The following CDH18 variants were observed in gnomAD, a reference collection of about 807,000 sequenced individuals.
The protein encoded by CDH18 is cadherin-18.
CDH18 carries 31 observed loss-of-function variants against 67.9 expected under a neutral mutation model. That is an observed-to-expected ratio of 0.46 (90% CI 0.34 to 0.62). The LOEUF (loss-of-function observed/expected upper bound fraction) is 0.62, where lower values mean the gene tolerates loss of function less well. Ranked by LOEUF, CDH18 falls within the 20% of genes least tolerant of loss-of-function variation. The probability of loss-of-function intolerance (pLI) is 0.01; values close to 1 mark genes in which losing one functional copy is unlikely to be tolerated. For missense variants in CDH18, 890 were observed against 975.5 expected (o/e 0.91, Z 1.17); for synonymous variants, 362 against 347.2 (o/e 1.04, Z -0.48).
chr5:20,172,204 A>ATATATATATACATG (rs1736804053), intron 2 of CDH18, among the ~76,000 whole-genome samples: 2 of 60,314 alleles, frequency 3.3e-5, no homozygotes, highest in African/African-American at 8.1e-5. Flanking sequence ...ATATATATAT[A>ATATATATATACATG]TATATATATA....
chr5:20,102,517 C>G (rs1746562916), intron 2 of CDH18, among the ~76,000 whole-genome samples: 1 of 152,160 alleles, frequency 6.6e-6, no homozygotes. Flanking sequence ...GCCTGAGGAG[C>G]AGAGTGTCTG....
intron 1 of CDH18, among the ~76,000 whole-genome samples, chr5:20,408,103 G>C (rs991585860): frequency 3.3e-5 from 5 of 151,912 alleles, no homozygotes; most frequent in Non-Finnish European, 5.9e-5. Context: ...AAAGGGCCTG[G>C]GATAAATTAC....
At chr5:20,266,708 G>T (rs540021759) in intron 1 of CDH18, among the ~76,000 whole-genome samples, 1 of 150,836 alleles carries the variant, frequency 6.6e-6, no homozygotes, top group Admixed American at 6.6e-5. Context: ...GATTACAGGC[G>T]TGAGTCACTG....
At chr5:20,112,895 T>C (rs1426968763) in intron 2 of CDH18, among the ~76,000 whole-genome samples, 1 of 152,186 alleles carries the variant, frequency 6.6e-6, no homozygotes, top group Non-Finnish European at 1.5e-5. Flanking sequence ...CTGCAAAGAT[T>C]ATTTTTAGCA....
At chr5:20,199,056 T>G (rs916834265) in intron 2 of CDH18, among the ~76,000 whole-genome samples, 2 of 152,190 alleles carry the variant, frequency 1.3e-5, no homozygotes, top group Non-Finnish European at 1.5e-5. Context: ...GAAGAACCTT[T>G]GCTAGGGCAA....
chr5:20,126,050 C>A (rs77607143), intron 2 of CDH18, among the ~76,000 whole-genome samples: 4 of 152,070 alleles, frequency 2.6e-5, no homozygotes, highest in African/African-American at 9.7e-5. Flanking sequence ...CCCACACTTC[C>A]GGATTTCAAA....
At chr5:20,475,375 C>T (rs908128527) in intron 1 of CDH18, among the ~76,000 whole-genome samples, 2 of 151,966 alleles carry the variant, frequency 1.3e-5, no homozygotes, top group Non-Finnish European at 2.9e-5. Flanking sequence ...AGACAGACAT[C>T]ATTATAGCCT....
intron 2 of CDH18, among the ~76,000 whole-genome samples, chr5:20,125,884 T>C (rs1181662385): frequency 1.3e-5 from 2 of 152,090 alleles, no homozygotes; most frequent in Non-Finnish European, 1.5e-5. Context: ...TCAACCACTG[T>C]GCCCCAAAGC....
intron 8 of CDH18, among the ~76,000 whole-genome samples, chr5:19,554,625 A>G (rs529975325): frequency 6.6e-6 from 1 of 151,672 alleles, no homozygotes; most frequent in South Asian, 2.1e-4. Context: ...TTCCCCTGTT[A>G]GTAGATCTAT....
At chr5:20,501,570 A>T (rs959978182) in intron 1 of CDH18, among the ~76,000 whole-genome samples, 28 of 21,240 alleles carry the variant, frequency 1.3e-3, no homozygotes, top group East Asian at 4.8e-3. Context: ...TATATATATA[A>T]TATATATATA....
intron 5 of CDH18, among the ~76,000 whole-genome samples, chr5:19,636,924 T>C (rs1753233711): frequency 6.6e-6 from 1 of 152,138 alleles, no homozygotes; most frequent in African/African-American, 2.4e-5. Context: ...TGGATTTACC[T>C]TTTATAAGTG....
intron 1 of CDH18, among the ~76,000 whole-genome samples, chr5:20,505,975 T>G (rs952021475): frequency 1.3e-5 from 2 of 152,080 alleles, no homozygotes; most frequent in African/African-American, 4.8e-5. Context: ...TGGCTTTGAA[T>G]TGTAACCTAT....
intron 1 of CDH18, among the ~76,000 whole-genome samples, chr5:20,283,349 T>G (rs1289571229): frequency 6.6e-6 from 1 of 152,000 alleles, no homozygotes; most frequent in Non-Finnish European, 1.5e-5. Flanking sequence ...AAAATATCCA[T>G]CTGACAAGTG....
intron 1 of CDH18, among the ~76,000 whole-genome samples, chr5:20,529,112 A>T (rs1756245787): frequency 6.6e-6 from 1 of 152,090 alleles, no homozygotes. Flanking sequence ...AATACAATAA[A>T]CACCTCTATG....
At chr5:19,755,860 G>A (rs1771536871) in intron 3 of CDH18, among the ~76,000 whole-genome samples, 1 of 151,992 alleles carries the variant, frequency 6.6e-6, no homozygotes, top group Non-Finnish European at 1.5e-5. Context: ...TTTGCTGACA[G>A]CTATTTAGAC....
At chr5:19,569,058 T>C (rs1740919561) in intron 8 of CDH18, among the ~76,000 whole-genome samples, 1 of 152,188 alleles carries the variant, frequency 6.6e-6, no homozygotes, top group South Asian at 2.1e-4. Flanking sequence ...ATTTTAAATA[T>C]TGTTTATTTT....
intron 5 of CDH18, among the ~76,000 whole-genome samples, chr5:19,670,149 C>G (rs552746690): frequency 2.0e-5 from 3 of 152,022 alleles, no homozygotes; most frequent in African/African-American, 4.8e-5. Flanking sequence ...GTGCATAGAA[C>G]TAGCAGGAAA....
intron 5 of CDH18, among the ~76,000 whole-genome samples, chr5:19,678,598 C>T (rs185930274): frequency 4.0e-5 from 6 of 151,724 alleles, no homozygotes; most frequent in Non-Finnish European, 8.9e-5. Flanking sequence ...AAACCAATCA[C>T]AGAGCTGGCA....
chr5:20,012,602 A>G (rs1737547695), intron 2 of CDH18, among the ~76,000 whole-genome samples: 3 of 152,094 alleles, frequency 2.0e-5, no homozygotes, highest in African/African-American at 7.2e-5. Flanking sequence ...AATACAAACC[A>G]CTGCTTAAAG....
Sources: allele counts gnomAD v4.1 joint callset (sites outside exome capture counted in the v4.1 genomes callset), GRCh38; gene constraint gnomAD v4.1.1; transcripts MANE v1.5; gene names NCBI Gene and HGNC (gene_info 2026-07-23, HGNC 2026-07-21).